The following STIM1 variants were observed in gnomAD, a reference collection of about 807,000 sequenced individuals.
STIM1 encodes stromal interaction molecule 1.
In STIM1, 25 loss-of-function variants were observed where a neutral mutation model predicts 74.7. The observed-to-expected ratio is 0.33, with a 90% confidence interval of 0.24 to 0.47. The LOEUF is 0.47. Among genes scored for constraint, STIM1 ranks in the 20% least tolerant of loss-of-function variants. The probability of loss-of-function intolerance (pLI) is 1.00; values close to 1 mark genes in which losing one functional copy is unlikely to be tolerated. For missense variants in STIM1, 728 were observed against 920.8 expected (o/e 0.79, Z 2.71); for synonymous variants, 328 against 348.8 (o/e 0.94, Z 0.66).
At chr11:3,950,949 T>C (rs2093139409) in intron 1 of STIM1, among the ~76,000 whole-genome samples, 1 of 152,094 alleles carries the variant, frequency 6.6e-6, no homozygotes, top group African/African-American at 2.4e-5. Context: ...TTTAGAAAAA[T>C]TGTACTCACT....
chr11:4,006,441 G>A (rs186638425), intron 2 of STIM1, among the ~76,000 whole-genome samples: 90 of 152,220 alleles, frequency 5.9e-4, no homozygotes, highest in African/African-American at 2.0e-3. Context: ...CTTTGGCGGA[G>A]TCTCATGCTG....
At chr11:3,940,600 G>A (rs565748946) in intron 1 of STIM1, among the ~76,000 whole-genome samples, 6 of 152,218 alleles carry the variant, frequency 3.9e-5, no homozygotes, top group African/African-American at 1.4e-4. Context: ...GGTAGGCATC[G>A]AACTATTGGG....
chr11:3,863,300 G>C lies in STIM1; in HGVS notation c.139+6891G>C, dbSNP rs138230588. On this transcript the variant is annotated intron_variant, in intron 1 of 12. Transcript: ENST00000526596. ...TGAGACAGGGTCTCTCTGTCACCTA[G>C]GCTGGATTGCAGTGGTGTGATCATG... 9.8e-4 allele frequency among the ~76,000 whole-genome samples: 146 copies of C among 149,454 alleles called. 1 individual carries two copies. The highest frequency in any genetic ancestry group is 1.4e-3 in the East Asian group (7 of 4,984).
intron 1 of STIM1, among the ~76,000 whole-genome samples, chr11:3,894,527 A>C (rs1461920144): frequency 6.6e-6 from 1 of 152,146 alleles, no homozygotes; most frequent in Non-Finnish European, 1.5e-5. Flanking sequence ...TTAGCAGAGC[A>C]TGGGTCCCTT....
chr11:3,874,536 AG>A (rs2091247855), intron 1 of STIM1, among the ~76,000 whole-genome samples: 1 of 152,238 alleles, frequency 6.6e-6, no homozygotes. Context: ...GTCTCTCCCT[AG>A]CTTCAGGTTA....
chr11:4,074,075 G>A (rs2094422654), intron 6 of STIM1, among the ~76,000 whole-genome samples: 1 of 152,170 alleles, frequency 6.6e-6, no homozygotes, highest in South Asian at 2.1e-4. Flanking sequence ...GGCATTTGAA[G>A]TCACACAGAT....
At chr11:4,030,578 AC>A (rs1337998820) in intron 3 of STIM1, among the ~76,000 whole-genome samples, 1 of 152,218 alleles carries the variant, frequency 6.6e-6, no homozygotes, top group African/African-American at 2.4e-5. Flanking sequence ...TTAGTTAAAA[AC>A]CTCAGACATT....
At chr11:3,858,240 T>G (rs915652793) in intron 1 of STIM1, among the ~76,000 whole-genome samples, 4 of 131,288 alleles carry the variant, frequency 3.0e-5, no homozygotes, top group African/African-American at 5.1e-5. Context: ...AAGGTTTTTT[T>G]TTTTTTGTTT....
At chr11:4,032,973 G>C (rs905052802) in intron 3 of STIM1, among the ~76,000 whole-genome samples, 1 of 152,104 alleles carries the variant, frequency 6.6e-6, no homozygotes, top group African/African-American at 2.4e-5. Context: ...TTTTCTTCTA[G>C]GGTTTTTATG....
chr11:3,931,207 A>T (rs1016685447), intron 1 of STIM1, among the ~76,000 whole-genome samples: 2 of 152,220 alleles, frequency 1.3e-5, no homozygotes, highest in Non-Finnish European at 2.9e-5. Context: ...GAGAGAAAAT[A>T]AGTAAGGGTT....
At chr11:3,857,074 G>C (rs920823884) in intron 1 of STIM1, among the ~76,000 whole-genome samples, 1 of 148,824 alleles carries the variant, frequency 6.7e-6, no homozygotes, top group Non-Finnish European at 1.5e-5. Context: ...TGACTGATGA[G>C]GGTGGGAATT....
At chr11:4,074,814 T>TAGAACAATAAGAGTTCAAGTTG in intron 7 of STIM1, 135 bp downstream of exon 7, 2 of 1,002,428 alleles carry the variant, frequency 2.0e-6, no homozygotes, top group Non-Finnish European at 2.9e-6. Context: ...CACTGGACTC[T>TAGAACAATAAGAGTTCAAGTTG]TACCAACAAT....
chr11:3,900,507 A>G (rs2092320536), intron 1 of STIM1, among the ~76,000 whole-genome samples: 1 of 152,214 alleles, frequency 6.6e-6, no homozygotes, highest in South Asian at 2.1e-4. Context: ...GGAAATGCAG[A>G]AATCACCATC....
At chr11:3,946,899 G>A (rs2093082198) in intron 1 of STIM1, among the ~76,000 whole-genome samples, 1 of 152,090 alleles carries the variant, frequency 6.6e-6, no homozygotes, top group Non-Finnish European at 1.5e-5. Flanking sequence ...CCCTCTCTGT[G>A]TCTCAGGCTG....
intron 2 of STIM1, among the ~76,000 whole-genome samples, chr11:4,021,068 A>G (rs2136006158): frequency 6.6e-6 from 1 of 152,004 alleles, no homozygotes; most frequent in East Asian, 1.9e-4. Flanking sequence ...TTGTCTCTTC[A>G]CTTTTCATTG....
At chr11:3,895,889 T>C (rs1172430398) in intron 1 of STIM1, among the ~76,000 whole-genome samples, 14 of 145,160 alleles carry the variant, frequency 9.6e-5, no homozygotes, top group Admixed American at 2.8e-4. Flanking sequence ...TTCTTTCTTT[T>C]CTTTCTTTCT....
At chr11:4,043,284 G>T (rs974097824) in intron 3 of STIM1, among the ~76,000 whole-genome samples, 4 of 152,040 alleles carry the variant, frequency 2.6e-5, no homozygotes, top group Non-Finnish European at 4.4e-5. Context: ...ATCATAAAAG[G>T]TCTGTTCCTT....
At chr11:3,975,038 C>T (rs572304466) in intron 2 of STIM1, among the ~76,000 whole-genome samples, 3 of 152,256 alleles carry the variant, frequency 2.0e-5, no homozygotes, top group Non-Finnish European at 2.9e-5. Context: ...AGGCACTATT[C>T]GAAGGCTAGG....
intron 2 of STIM1, among the ~76,000 whole-genome samples, chr11:4,013,446 T>A (rs1200181739): frequency 6.6e-6 from 1 of 152,136 alleles, no homozygotes; most frequent in Non-Finnish European, 1.5e-5. Flanking sequence ...CCTGATTTAG[T>A]CTTGGGAGGG....
Sources: allele counts gnomAD v4.1 joint callset (sites outside exome capture counted in the v4.1 genomes callset), GRCh38; gene constraint gnomAD v4.1.1; transcripts MANE v1.5; gene names NCBI Gene and HGNC (gene_info 2026-07-23, HGNC 2026-07-21).